The following TRPM3 variants were observed in gnomAD, a reference collection of about 807,000 sequenced individuals.
TRPM3 encodes the protein long transient receptor potential channel 3.
A neutral mutation model predicts 181.2 loss-of-function variants in TRPM3; 77 were observed. That is an observed-to-expected ratio of 0.42 (90% CI 0.35 to 0.51). The LOEUF (loss-of-function observed/expected upper bound fraction) is 0.51, where lower values mean the gene tolerates loss of function less well. TRPM3 is among the 20% of genes least tolerant of loss of function. The probability of loss-of-function intolerance (pLI) is 0.01; values close to 1 mark genes in which losing one functional copy is unlikely to be tolerated. For synonymous variants in TRPM3, 745 were observed against 796.4 expected, an observed-to-expected ratio of 0.94 and a Z score of 1.09; for missense variants, 1,759 against 2,196.7, an observed-to-expected ratio of 0.80 and a Z score of 3.98.
At chr9:70,929,001 G>A (rs2096748362) in intron 1 of TRPM3, among the ~76,000 whole-genome samples, 1 of 152,136 alleles carries the variant, frequency 6.6e-6, no homozygotes, top group Admixed American at 6.5e-5. Context: ...GCCAGCTACT[G>A]TCTTCCTCCA....
At chr9:70,915,240 A>G (rs1454769098) in intron 1 of TRPM3, among the ~76,000 whole-genome samples, 2 of 152,200 alleles carry the variant, frequency 1.3e-5, no homozygotes, top group African/African-American at 4.8e-5. Flanking sequence ...TAACAAAGAG[A>G]TTGAAATAAT....
chr9:71,412,728 C>G (rs550518707), intron 1 of TRPM3, among the ~76,000 whole-genome samples: 1 of 152,266 alleles, frequency 6.6e-6, no homozygotes, highest in Admixed American at 6.5e-5. Context: ...TACCATTTGA[C>G]CCAGCCATCC....
At chr9:71,000,679 AC>A (rs1012705316) in intron 1 of TRPM3, among the ~76,000 whole-genome samples, 1 of 152,216 alleles carries the variant, frequency 6.6e-6, no homozygotes, top group Non-Finnish European at 1.5e-5. Context: ...GAAGGATCTT[AC>A]CCCTTACTTC....
intron 3 of TRPM3, among the ~76,000 whole-genome samples, chr9:70,846,985 T>C (rs2094987832): frequency 6.6e-6 from 1 of 152,202 alleles, no homozygotes; most frequent in Non-Finnish European, 1.5e-5. Flanking sequence ...TTATTATTTC[T>C]GTGACCCTAT....
chr9:71,214,394 G>C (rs7850409), intron 1 of TRPM3, among the ~76,000 whole-genome samples: 65,242 of 151,896 alleles, frequency 0.43, 14,411 homozygotes, highest in East Asian at 0.52. Context: ...TCCATTCCTG[G>C]GTATCTGCTT....
At chr9:70,993,231 T>C (rs1192179906) in intron 1 of TRPM3, among the ~76,000 whole-genome samples, 2 of 152,168 alleles carry the variant, frequency 1.3e-5, no homozygotes, top group African/African-American at 4.8e-5. Flanking sequence ...ATAAAGCTCA[T>C]GCTGATGGCT....
chr9:70,839,794 G>T (rs2094531604), intron 5 of TRPM3, among the ~76,000 whole-genome samples: 1 of 152,080 alleles, frequency 6.6e-6, no homozygotes, highest in Non-Finnish European at 1.5e-5. Context: ...CATTTTGATA[G>T]AATTCTGAAG....
At chr9:70,661,749 A>G (rs2061167760) in intron 9 of TRPM3, among the ~76,000 whole-genome samples, 1 of 152,140 alleles carries the variant, frequency 6.6e-6, no homozygotes, top group South Asian at 2.1e-4. Context: ...AAAAAACCCT[A>G]CAAAACACTG....
intron 7 of TRPM3, among the ~76,000 whole-genome samples, chr9:70,780,192 T>C (rs2130779697): frequency 6.6e-6 from 1 of 152,258 alleles, no homozygotes; most frequent in Non-Finnish European, 1.5e-5. Flanking sequence ...TTTTACTCCT[T>C]TAAGATTATA....
intron 1 of TRPM3, among the ~76,000 whole-genome samples, chr9:71,334,019 G>A (rs955321407): frequency 5.3e-5 from 8 of 151,786 alleles, no homozygotes; most frequent in South Asian, 4.2e-4. Context: ...GATGATGACC[G>A]AAAGTGAGCA....
chr9:70,752,022 G>A (rs1414289893), intron 8 of TRPM3, among the ~76,000 whole-genome samples: 23 of 118,520 alleles, frequency 1.9e-4, no homozygotes, highest in African/African-American at 7.1e-4. Context: ...GTGTGTGTGT[G>A]TGTGTGTGTG....
In TRPM3 at chr9:71,052,933, T is replaced by C. The variant is rs539684801; in HGVS notation, c.177+68245A>G. ...ATGGCCACTGGAAGCTATATTTTTA[T>C]GGCAAATAAAATATTATACTACTAT... On this transcript the variant is annotated intron_variant, in intron 1 of 25. Transcript: ENST00000677713. 9.7e-4 allele frequency among the ~76,000 whole-genome samples: 148 copies of C among 152,090 alleles called. 1 individual carries two copies. The highest frequency in any genetic ancestry group is 3.3e-3 in the African/African-American group (138 of 41,502).
At chr9:71,014,608 T>C (rs917948970) in intron 1 of TRPM3, among the ~76,000 whole-genome samples, 1 of 152,114 alleles carries the variant, frequency 6.6e-6, no homozygotes, top group Non-Finnish European at 1.5e-5. Flanking sequence ...AGCATCCTTC[T>C]TTGTTTCATT....
At chr9:71,030,685 G>T (rs1283669048) in intron 1 of TRPM3, among the ~76,000 whole-genome samples, 1 of 151,916 alleles carries the variant, frequency 6.6e-6, no homozygotes, top group Non-Finnish European at 1.5e-5. Context: ...TTATTAATTT[G>T]GGAATTTAGT....
intron 6 of TRPM3, among the ~76,000 whole-genome samples, chr9:70,804,694 C>T (rs1305714721): frequency 7.1e-6 from 1 of 141,500 alleles, no homozygotes. Context: ...CCTTTCCTCC[C>T]CTCCCCTTCC....
chr9:71,047,165 T>A (rs968048742), intron 1 of TRPM3, among the ~76,000 whole-genome samples: 2 of 152,188 alleles, frequency 1.3e-5, no homozygotes, highest in African/African-American at 4.8e-5. Flanking sequence ...TTCCAGTAGA[T>A]GGAAAAGGTC....
intron 1 of TRPM3, among the ~76,000 whole-genome samples, chr9:71,397,292 T>C (rs1402010979): frequency 6.6e-6 from 1 of 152,246 alleles, no homozygotes; most frequent in South Asian, 2.1e-4. Context: ...TTGTAAAGCA[T>C]ATATTTTCCA....
intron 1 of TRPM3, among the ~76,000 whole-genome samples, chr9:71,332,775 G>GA (rs2090298781): frequency 6.6e-6 from 1 of 151,396 alleles, no homozygotes; most frequent in Non-Finnish European, 1.5e-5. Context: ...AACACATTTA[G>GA]AAAAATTTTT....
At chr9:71,266,302 T>G (rs970476093) in intron 1 of TRPM3, among the ~76,000 whole-genome samples, 1 of 152,062 alleles carries the variant, frequency 6.6e-6, no homozygotes, top group Non-Finnish European at 1.5e-5. Flanking sequence ...AAAGAAAAAT[T>G]AATGGTTGTG....
Sources: allele counts gnomAD v4.1 joint callset (sites outside exome capture counted in the v4.1 genomes callset), GRCh38; gene constraint gnomAD v4.1.1; transcripts MANE v1.5; gene names NCBI Gene and HGNC (gene_info 2026-07-23, HGNC 2026-07-21).